The following MAMDC2 variants were observed in gnomAD, a reference collection of about 807,000 sequenced individuals.
The protein encoded by MAMDC2 is MAM domain containing 2.
MAMDC2 carries 57 observed loss-of-function variants against 89.8 expected under a neutral mutation model. That is an observed-to-expected ratio of 0.63 (90% CI 0.51 to 0.79). MAMDC2 has a LOEUF of 0.79. Among genes scored for constraint, MAMDC2 ranks in the 30% least tolerant of loss-of-function variants. The pLI, the probability that MAMDC2 is intolerant of heterozygous loss-of-function variation, is 0.00. For missense variants in MAMDC2, 800 were observed against 820.6 expected (o/e 0.97, Z 0.31); for synonymous variants, 313 against 293.4 (o/e 1.07, Z -0.68).
intron 11 of MAMDC2, among the ~76,000 whole-genome samples, chr9:70,209,624 C>G (rs1201937860): frequency 6.6e-6 from 1 of 152,024 alleles, no homozygotes; most frequent in Non-Finnish European, 1.5e-5. Context: ...TCTTTCGTAT[C>G]TCTATCTCTT....
At chr9:70,059,864 T>G (rs1348116115) in intron 2 of MAMDC2, among the ~76,000 whole-genome samples, 1 of 152,202 alleles carries the variant, frequency 6.6e-6, no homozygotes, top group Non-Finnish European at 1.5e-5. Context: ...GGAGGCTCAG[T>G]ACACTTGATT....
At chr9:70,084,850 A>C (rs1827732176) in intron 2 of MAMDC2, among the ~76,000 whole-genome samples, 1 of 151,022 alleles carries the variant, frequency 6.6e-6, no homozygotes, top group Non-Finnish European at 1.5e-5. Flanking sequence ...GTACGTGGCC[A>C]GAAAGGGGAA....
chr9:70,116,095 G>C (rs1470469722), intron 5 of MAMDC2, among the ~76,000 whole-genome samples: 1 of 152,182 alleles, frequency 6.6e-6, no homozygotes, highest in Non-Finnish European at 1.5e-5. Context: ...TTTAACAATG[G>C]GGAAGTGTTA....
intron 7 of MAMDC2, among the ~76,000 whole-genome samples, chr9:70,136,924 G>T (rs1313850244): frequency 6.6e-6 from 1 of 152,116 alleles, no homozygotes; most frequent in Non-Finnish European, 1.5e-5. Context: ...AGGGCTTAAA[G>T]ATATACCCTG....
intron 12 of MAMDC2, among the ~76,000 whole-genome samples, chr9:70,221,911 T>A (rs1305175641): frequency 1.3e-5 from 2 of 152,124 alleles, no homozygotes; most frequent in Non-Finnish European, 1.5e-5. Flanking sequence ...AGTTTGAAAT[T>A]TGTTCCAAAA....
chr9:70,206,901 T>C lies in MAMDC2; in HGVS notation c.1652-11436T>C, dbSNP rs560034375. On this transcript the variant is annotated intron_variant, in intron 11 of 13. Transcript: ENST00000377182. The stretch of plus-strand genomic sequence containing the variant: ...AGTGTTTGGTTTTCTGTCCTTGTGA[T>C]AGTTTGCTGAGAATGATGGTTTCCA... Among the ~76,000 whole-genome samples, 47 of 152,258 alleles carry C rather than the reference T, an allele frequency of 3.1e-4. 2 individuals carry two copies. In the South Asian group the frequency reaches 8.5e-3, roughly 28 times the overall value.
chr9:70,165,697 T>A (rs2032150913), intron 9 of MAMDC2, among the ~76,000 whole-genome samples: 1 of 152,220 alleles, frequency 6.6e-6, no homozygotes, highest in Non-Finnish European at 1.5e-5. Flanking sequence ...GTCTATCCAA[T>A]AGAACTTTCT....
chr9:70,089,347 T>C (rs1014394386), intron 2 of MAMDC2: 4 of 152,350 alleles, frequency 2.6e-5, no homozygotes, highest in Non-Finnish European at 5.9e-5. Context: ...GCTTCATACG[T>C]CATCCATTTC....
At chr9:70,159,874 A>AT (rs1398745857) in intron 9 of MAMDC2, among the ~76,000 whole-genome samples, 7 of 152,120 alleles carry the variant, frequency 4.6e-5, no homozygotes, top group African/African-American at 7.2e-5. Flanking sequence ...CCCAGCACTG[A>AT]TTTTTTTTAC....
intron 4 of MAMDC2, among the ~76,000 whole-genome samples, chr9:70,111,209 T>C (rs937285962): frequency 2.6e-5 from 4 of 152,190 alleles, no homozygotes. Flanking sequence ...CTCAGCCTCT[T>C]GGCATCCGTA....
intron 2 of MAMDC2, among the ~76,000 whole-genome samples, chr9:70,100,575 T>C (rs1256128409): frequency 6.6e-6 from 1 of 152,212 alleles, no homozygotes; most frequent in Non-Finnish European, 1.5e-5. Flanking sequence ...CTGTCAGACC[T>C]GCGTCATCAG....
chr9:70,152,382 C>T (rs1299311844), intron 9 of MAMDC2, among the ~76,000 whole-genome samples: 4 of 152,100 alleles, frequency 2.6e-5, no homozygotes, highest in Non-Finnish European at 4.4e-5. Context: ...TGTTGTTGAA[C>T]ACTCTCCAGC....
intron 2 of MAMDC2, among the ~76,000 whole-genome samples, chr9:70,098,662 T>A (rs543017257): frequency 6.6e-6 from 1 of 152,328 alleles, no homozygotes; most frequent in South Asian, 2.1e-4. Context: ...GTTGTTTTCC[T>A]GCTGTAAGAA....
chr9:70,067,142 T>G (rs1827285657), intron 2 of MAMDC2, among the ~76,000 whole-genome samples: 1 of 152,196 alleles, frequency 6.6e-6, no homozygotes. Flanking sequence ...ATGACACTTT[T>G]GTGTTTTTCC....
chr9:70,219,217 T>C (rs1446864787), intron 12 of MAMDC2, among the ~76,000 whole-genome samples: 1 of 152,192 alleles, frequency 6.6e-6, no homozygotes, highest in Non-Finnish European at 1.5e-5. Context: ...TAAATTCTAG[T>C]AGGTAGGGGC....
chr9:70,078,233 C>T (rs1367808659), intron 2 of MAMDC2, among the ~76,000 whole-genome samples: 1 of 152,124 alleles, frequency 6.6e-6, no homozygotes, highest in Non-Finnish European at 1.5e-5. Context: ...ATCTTACTAA[C>T]CTTAAATCAA....
At chr9:70,160,796 T>C (rs925941240) in intron 9 of MAMDC2, among the ~76,000 whole-genome samples, 1 of 152,180 alleles carries the variant, frequency 6.6e-6, no homozygotes, top group Admixed American at 6.5e-5. Flanking sequence ...ACAATCTATG[T>C]AAGAGTCAGG....
rs201747004 is a variant in MAMDC2 at position 70,172,684 on chromosome 9, A to G, written c.1651+2053A>G. The G allele has an allele frequency of 1.9e-3, 287 of 152,800 alleles. 1 individual carries two copies. Among genetic ancestry groups the G allele is most frequent in the Non-Finnish European group, 2.7e-3 (181 of 68,058 alleles). The allele number at this position is 152,800 out of a possible 1,614,324, so 9.5% of individuals were successfully genotyped here. A position where few individuals can be genotyped will look rare whatever the true frequency, so the allele number is the denominator to read the frequency against. On this transcript the variant is annotated intron_variant, in intron 11 of 13. Coordinates refer to ENST00000377182, the MANE Select transcript of MAMDC2 (RefSeq NM_153267.5). The stretch of plus-strand genomic sequence containing the variant: ...CAATAGTGATGCACTCCTGCCTAAG[A>G]AGATATGCAGCTTGGTCCTACTGCT...
intron 11 of MAMDC2, among the ~76,000 whole-genome samples, chr9:70,178,324 A>C (rs2118563543): frequency 6.6e-6 from 1 of 152,240 alleles, no homozygotes; most frequent in Admixed American, 6.5e-5. Context: ...GGGCAGAGAG[A>C]GGGTAAGGGA....
Sources: allele counts gnomAD v4.1 joint callset (sites outside exome capture counted in the v4.1 genomes callset), GRCh38; gene constraint gnomAD v4.1.1; transcripts MANE v1.5; gene names NCBI Gene and HGNC (gene_info 2026-07-23, HGNC 2026-07-21).